The following TMEM71 variants were observed in gnomAD, a reference collection of about 807,000 sequenced individuals.
TMEM71 encodes transmembrane protein 71.
TMEM71 carries 44 observed loss-of-function variants against 38.0 expected under a neutral mutation model. That is an observed-to-expected ratio of 1.16 (90% CI 0.91 to 1.49). The LOEUF (loss-of-function observed/expected upper bound fraction) is 1.49. TMEM71 is among the 40% of genes most tolerant of loss of function. The probability of loss-of-function intolerance (pLI) is 0.00; values close to 1 mark genes in which losing one functional copy is unlikely to be tolerated. For missense variants in TMEM71, 367 were observed against 348.6 expected (o/e 1.05, Z -0.42); for synonymous variants, 133 against 122.5 (o/e 1.09, Z -0.56).
intron 6 of TMEM71, among the ~76,000 whole-genome samples, chr8:132,725,346 G>GT: frequency 6.6e-6 from 1 of 152,202 alleles, no homozygotes; most frequent in African/African-American, 2.4e-5. Flanking sequence ...TGTATTTTTT[G>GT]TAGAGACAAG....
intron 7 of TMEM71, among the ~76,000 whole-genome samples, chr8:132,716,635 A>C (rs1826551175): frequency 6.6e-6 from 1 of 152,230 alleles, no homozygotes; most frequent in African/African-American, 2.4e-5. Flanking sequence ...ATCTTATATA[A>C]GGGGCTTTAG....
chr8:132,761,754 T>A (rs1829300798), upstream of TMEM71, among the ~76,000 whole-genome samples: 1 of 152,220 alleles, frequency 6.6e-6, no homozygotes, highest in Non-Finnish European at 1.5e-5. Context: ...GAGGCTTCCA[T>A]CTTGTTGGAC....
At chr8:132,708,573 T>C (rs1000227915), downstream of TMEM71, among the ~76,000 whole-genome samples, 73 of 152,210 alleles carry the variant, frequency 4.8e-4, 2 homozygotes, top group Non-Finnish European at 2.9e-5. Context: ...GGTGTTGTCC[T>C]GCACCGGCCT....
intron 6 of TMEM71, among the ~76,000 whole-genome samples, chr8:132,725,847 G>A (rs1827115319): frequency 6.6e-6 from 1 of 152,296 alleles, no homozygotes; most frequent in Admixed American, 6.5e-5. Flanking sequence ...CCCAGGTATA[G>A]CAGGTGGGAG....
At chr8:132,770,551 T>C in the TMEM71 span, among the ~76,000 whole-genome samples, 8 of 152,238 alleles carry the variant, frequency 5.3e-5, no homozygotes, top group African/African-American at 1.2e-4. Flanking sequence ...GCCAGGATGC[T>C]GTAATGTCTT....
intron 6 of TMEM71, among the ~76,000 whole-genome samples, chr8:132,722,348 A>G (rs1826903387): frequency 6.6e-6 from 1 of 152,380 alleles, no homozygotes; most frequent in East Asian, 1.9e-4. Context: ...ACTATAAAAT[A>G]AAAGACTATG....
At chr8:132,725,065 G>T (rs1300955474) in intron 6 of TMEM71, among the ~76,000 whole-genome samples, 2 of 150,028 alleles carry the variant, frequency 1.3e-5, no homozygotes, top group Non-Finnish European at 3.0e-5. Flanking sequence ...TTTTAACAGG[G>T]TCTCACTCTA....
At chr8:132,767,933 G>T in the TMEM71 span, among the ~76,000 whole-genome samples, 1 of 152,162 alleles carries the variant, frequency 6.6e-6, no homozygotes, top group African/African-American at 2.4e-5. Flanking sequence ...GGTATGAGTT[G>T]TGATGACATT....
chr8:132,749,568 C>T (rs1828578319), intron 4 of TMEM71, among the ~76,000 whole-genome samples: 1 of 152,134 alleles, frequency 6.6e-6, no homozygotes, highest in South Asian at 2.1e-4. Context: ...TACCAGTTGG[C>T]TCCAGGCAAT....
chr8:132,710,538 T>A lies in TMEM71; in HGVS notation c.*429A>T, dbSNP rs1003174958. On this transcript the variant is annotated 3_prime_UTR_variant, in exon 10 of 10. Transcript: ENST00000677595. The stretch of plus-strand genomic sequence containing the variant: ...TCAGGTTGGTATTAGTTAGACAAAC[T>A]TGCTCTCATTATTCTATTAAAGCAA... The A allele has an allele frequency of 2.2e-5, 7 of 316,812 alleles. 1 individual carries two copies. Among genetic ancestry groups the A allele is most frequent in the Non-Finnish European group, 4.0e-5 (7 of 175,668 alleles). 19.6% of individuals were successfully genotyped at this position (316,812 alleles called of 1,614,324 possible).
At chr8:132,732,405 G>A (rs957925188) in intron 5 of TMEM71, among the ~76,000 whole-genome samples, 1 of 152,150 alleles carries the variant, frequency 6.6e-6, no homozygotes, top group South Asian at 2.1e-4. Context: ...TGAGAGACCA[G>A]GGTGGGTTCC....
chr8:132,752,014 A>G lies in TMEM71; in HGVS notation c.102-17T>C. 1 of 1,606,674 alleles carries G rather than the reference A, an allele frequency of 6.2e-7. No homozygotes were observed. The highest frequency in any genetic ancestry group is 8.5e-7 in the Non-Finnish European group (1 of 1,173,674). ...CAGGTGAAACTAAGAAGGAAAAGAT[A>G]ACGCACTTTAAATCTCTATTCAGTA... On this transcript the variant is annotated splice_polypyrimidine_tract_variant and intron_variant, in intron 3 of 9. Transcript: ENST00000677595.
chr8:132,775,334 C>A, the TMEM71 span: 1 of 347,890 alleles, frequency 2.9e-6, no homozygotes, highest in Non-Finnish European at 5.2e-6. Flanking sequence ...CAAGGCCAGG[C>A]CCGCTTCCGG....
chr8:132,728,961 CA>C (rs1318037958), intron 5 of TMEM71, among the ~76,000 whole-genome samples: 1 of 152,136 alleles, frequency 6.6e-6, no homozygotes, highest in Non-Finnish European at 1.5e-5. Flanking sequence ...TTTTTTTATT[CA>C]AAGAGGCTAT....
intron 5 of TMEM71, among the ~76,000 whole-genome samples, chr8:132,733,417 G>A (rs549717410): frequency 1.3e-5 from 2 of 152,282 alleles, no homozygotes; most frequent in Non-Finnish European, 2.9e-5. Flanking sequence ...TTGCCACCAC[G>A]GAGGCTAAGT....
chr8:132,724,414 G>C (rs1410517372), intron 6 of TMEM71, among the ~76,000 whole-genome samples: 1 of 152,004 alleles, frequency 6.6e-6, no homozygotes, highest in Non-Finnish European at 1.5e-5. Context: ...AATATTCCTT[G>C]CTAGGAAAAG....
chr8:132,747,463 T>C (rs1008773575), intron 4 of TMEM71, among the ~76,000 whole-genome samples: 3 of 152,240 alleles, frequency 2.0e-5, no homozygotes, highest in African/African-American at 7.2e-5. Flanking sequence ...CTGTATGAAA[T>C]AGATACTATT....
At chr8:132,774,864 A>G in the TMEM71 span, among the ~76,000 whole-genome samples, 1 of 152,244 alleles carries the variant, frequency 6.6e-6, no homozygotes, top group South Asian at 2.1e-4. Flanking sequence ...TTTGTATTGT[A>G]AAGATCTCCA....
chr8:132,775,919 G>A, the TMEM71 span, among the ~76,000 whole-genome samples: 3 of 152,200 alleles, frequency 2.0e-5, no homozygotes, highest in South Asian at 2.1e-4. Flanking sequence ...CCCCCTCTCT[G>A]TCTGGCCTCA....
Sources: gnomAD v4.1 joint callset for allele counts (sites outside exome capture counted in the v4.1 genomes callset) on GRCh38, gnomAD v4.1.1 for gene constraint, MANE v1.5 for transcripts, NCBI Gene and HGNC (gene_info 2026-07-23, HGNC 2026-07-21) for gene names.